Variants in ADAMTSL3 observed in about 807,000 individuals in gnomAD.
ADAMTSL3 encodes ADAMTS-like protein 3.
In ADAMTSL3, 128 loss-of-function variants were observed where a neutral mutation model predicts 201.7. The ratio of observed to expected loss-of-function variants is 0.63; its 90% CI spans 0.55 to 0.73. The LOEUF is 0.73. Among genes scored for constraint, ADAMTSL3 ranks in the 30% least tolerant of loss-of-function variants. The pLI is 0.00. For missense variants in ADAMTSL3, 1,990 were observed against 2,119.6 expected, an observed-to-expected ratio of 0.94 and a Z score of 1.20; for synonymous variants, 738 against 748.4, an observed-to-expected ratio of 0.99 and a Z score of 0.23.
chr15:83,754,002 G>A (rs2062678702), intron 3 of ADAMTSL3, among the ~76,000 whole-genome samples: 2 of 152,194 alleles, frequency 1.3e-5, no homozygotes, highest in South Asian at 2.1e-4. Context: ...AGAGTAAAGA[G>A]GTTTGGTTGT....
At chr15:83,980,896 T>A (rs1468279020) in intron 20 of ADAMTSL3, among the ~76,000 whole-genome samples, 3 of 152,170 alleles carry the variant, frequency 2.0e-5, no homozygotes, top group African/African-American at 7.2e-5. Flanking sequence ...AAACACACTG[T>A]AGCCAGCGCC....
intron 3 of ADAMTSL3, among the ~76,000 whole-genome samples, chr15:83,770,301 C>T (rs1016887342): frequency 1.3e-5 from 2 of 152,110 alleles, no homozygotes; most frequent in Non-Finnish European, 2.9e-5. Flanking sequence ...TGGCATTTAA[C>T]AATTTATCAT....
chr15:83,749,738 AG>A (rs2062608249), intron 3 of ADAMTSL3, among the ~76,000 whole-genome samples: 1 of 152,326 alleles, frequency 6.6e-6, no homozygotes, highest in African/African-American at 2.4e-5. Flanking sequence ...AGGAGGTCCA[AG>A]GCAGGAAGAT....
At chr15:83,876,811 T>C (rs924624084) in intron 9 of ADAMTSL3, among the ~76,000 whole-genome samples, 2 of 152,090 alleles carry the variant, frequency 1.3e-5, no homozygotes, top group Non-Finnish European at 2.9e-5. Context: ...ATTCATTTAT[T>C]TATTTGAGTC....
chr15:83,785,160 C>T (rs1376612412), intron 4 of ADAMTSL3, among the ~76,000 whole-genome samples: 3 of 152,144 alleles, frequency 2.0e-5, no homozygotes, highest in Non-Finnish European at 4.4e-5. Flanking sequence ...AAAATACAAA[C>T]TTTGATTCAG....
intron 19 of ADAMTSL3, among the ~76,000 whole-genome samples, chr15:83,946,296 C>T (rs147561789): frequency 2.0e-5 from 3 of 152,286 alleles, no homozygotes; most frequent in Non-Finnish European, 4.4e-5. Context: ...TTGCCAGTTG[C>T]GTATCACTAA....
chr15:84,009,807 C>A (rs1020887762), intron 23 of ADAMTSL3, among the ~76,000 whole-genome samples: 2 of 152,194 alleles, frequency 1.3e-5, no homozygotes, highest in East Asian at 1.9e-4. Context: ...ACTTGCTGTT[C>A]CCTCTGCCGG....
Position 83,913,276 on chromosome 15 carries a change from C to T in ADAMTSL3, c.1885C>T (p.Pro629Ser). 1.2e-6 allele frequency: 2 copies of T among 1,614,014 alleles called. No homozygotes were observed. The highest frequency in any genetic ancestry group is 1.7e-6 in the Non-Finnish European group (2 of 1,180,036). The change falls in exon 16 of 30, where the codon CCG (proline) becomes TCG (serine). Residue 629 changes from proline (P) to serine (S), a missense_variant. Coordinates refer to ENST00000286744, the MANE Select transcript of ADAMTSL3 (RefSeq NM_207517.3). ...CCTCCTGGAAGCATGTGATGAGAGC[C>T]CGGCCTCCCGAGAGCTAGACATCCC... The part of the protein sequence containing the change: ...PCLLEACDES[P>S]ASRELDIPLP...
intron 21 of ADAMTSL3, among the ~76,000 whole-genome samples, chr15:83,984,275 A>T (rs2067437625): frequency 6.6e-6 from 1 of 152,250 alleles, no homozygotes; most frequent in African/African-American, 2.4e-5. Context: ...ACTGTTTTGC[A>T]TATCACAAGG....
chr15:83,988,823 T>C lies in ADAMTSL3; in HGVS notation c.3844+5T>C, dbSNP rs376241114. 2.8e-6 allele frequency: 4 copies of C among 1,447,626 alleles called. No homozygotes were observed. The highest frequency in any genetic ancestry group is 1.8e-5 in the South Asian group (1 of 55,494). The allele number at this position is 1,447,626 out of a possible 1,614,324, so 89.7% of individuals were successfully genotyped here. The stretch of plus-strand genomic sequence containing the variant: ...GTTCTTCTGTGCTGTATGCAGGTAA[T>C]GCCCACTGTTGAAATCTAGAATGCC... On this transcript the variant is annotated splice_donor_5th_base_variant and intron_variant, in intron 22 of 29. Transcript: ENST00000286744.
Position 83,769,433 on chromosome 15 carries a change from T to C in ADAMTSL3, c.190-4090T>C, listed in dbSNP as rs182957111. On this transcript the variant is annotated intron_variant, in intron 3 of 29. Transcript: ENST00000286744. ...TAAAACTTTATTTTTTATTATGTTA[T>C]AGACAGGGCACAGTTATGTTTGGTG... is the stretch of plus-strand genomic sequence containing the variant. Among the ~76,000 whole-genome samples, 21 of 152,366 alleles carry C rather than the reference T, an allele frequency of 1.4e-4. No individual in the cohort carries two copies. In the East Asian group the frequency reaches 3.1e-3, roughly 22 times the overall value.
intron 8 of ADAMTSL3, among the ~76,000 whole-genome samples, chr15:83,870,196 T>C (rs937941151): frequency 3.3e-5 from 5 of 152,144 alleles, no homozygotes; most frequent in Non-Finnish European, 5.9e-5. Flanking sequence ...TGTATTTTGA[T>C]TGTGGTGGTG....
intron 22 of ADAMTSL3, among the ~76,000 whole-genome samples, chr15:83,990,184 G>C (rs1468937120): frequency 6.6e-6 from 1 of 152,114 alleles, no homozygotes; most frequent in Non-Finnish European, 1.5e-5. Flanking sequence ...AGAGAGGGAA[G>C]ATTTTGCCCA....
At chr15:83,801,472 GAAA>G (rs761128203) in intron 4 of ADAMTSL3, among the ~76,000 whole-genome samples, 86 of 150,996 alleles carry the variant, frequency 5.7e-4, no homozygotes, top group Non-Finnish European at 2.5e-4. Context: ...GAGAGTTTGA[GAAA>G]AACTGCAAAG....
intron 20 of ADAMTSL3, among the ~76,000 whole-genome samples, chr15:83,980,830 G>A (rs2067373275): frequency 6.6e-6 from 1 of 152,190 alleles, no homozygotes; most frequent in Non-Finnish European, 1.5e-5. Flanking sequence ...AGACTTCAAA[G>A]GGCTCATGAG....
chr15:83,910,407 A>G (rs2065909525), intron 15 of ADAMTSL3, among the ~76,000 whole-genome samples: 1 of 151,256 alleles, frequency 6.6e-6, no homozygotes, highest in African/African-American at 2.4e-5. Flanking sequence ...ATAAAAAATA[A>G]TACATAGAAG....
Position 83,671,848 on chromosome 15 carries a change from A to G in ADAMTSL3, c.69+16018A>G, listed in dbSNP as rs181868197. Reference sequence around the variant, plus strand: ...TGCCTAGCTGTTTTTGTAAGCAAAGATACTTCTCTCCTTAAGAGGAATAAT... The same window carrying G: ...TGCCTAGCTGTTTTTGTAAGCAAAGGTACTTCTCTCCTTAAGAGGAATAAT... On this transcript the variant is annotated intron_variant, in intron 2 of 29. Transcript: ENST00000286744. 2.6e-5 allele frequency among the ~76,000 whole-genome samples: 4 copies of G among 152,292 alleles called. No individual in the cohort carries two copies. The East Asian group carries it at 7.7e-4, about 29-fold the overall frequency.
At chr15:83,906,329 G>A (rs1266613491) in intron 15 of ADAMTSL3, among the ~76,000 whole-genome samples, 2 of 151,994 alleles carry the variant, frequency 1.3e-5, no homozygotes, top group Non-Finnish European at 2.9e-5. Flanking sequence ...ATTAATTAGG[G>A]GAGAATAAAC....
intron 21 of ADAMTSL3, among the ~76,000 whole-genome samples, chr15:83,985,015 C>T (rs2067449494): frequency 6.6e-6 from 1 of 152,148 alleles, no homozygotes; most frequent in Non-Finnish European, 1.5e-5. Flanking sequence ...CAATCTGAAA[C>T]TATATTAATG....
Sources: allele counts gnomAD v4.1 joint callset (sites outside exome capture counted in the v4.1 genomes callset), GRCh38; gene constraint gnomAD v4.1.1; transcripts MANE v1.5; gene names NCBI Gene and HGNC (gene_info 2026-07-23, HGNC 2026-07-21).